The following ENG variants were observed in gnomAD, a reference collection of about 807,000 sequenced individuals.
ENG encodes the protein endoglin, also known as CD105 antigen.
In ENG, 17 loss-of-function variants were observed where a neutral mutation model predicts 71.0. The observed-to-expected ratio is 0.24, with a 90% confidence interval of 0.16 to 0.36. The LOEUF (loss-of-function observed/expected upper bound fraction) is 0.36, where lower values mean the gene tolerates loss of function less well. ENG is among the 10% of genes least tolerant of loss of function. ENG has a pLI of 1.00. For missense variants in ENG, 749 were observed against 868.3 expected, an observed-to-expected ratio of 0.86 and a Z score of 1.73; for synonymous variants, 360 against 366.9, an observed-to-expected ratio of 0.98 and a Z score of 0.21.
Position 127,828,464 on chromosome 9 carries a change from A to G in ENG, c.360+1223T>C, listed in dbSNP as rs1048672944. Among the ~76,000 whole-genome samples the G allele has an allele frequency of 1.1e-4, 17 of 152,286 alleles. No homozygotes were observed. In the South Asian group the frequency reaches 3.5e-3, roughly 32 times the overall value. ...CCCGCTCGGGAAGCAGCGCGGCCCC[A>G]GGAGGAAGGCGGCGCGGCCGAGGCC... On this transcript the variant is annotated intron_variant, in intron 3 of 14. Coordinates refer to ENST00000373203, the MANE Select transcript of ENG (RefSeq NM_001114753.3).
chr9:127,831,837 G>A (rs906591541), intron 2 of ENG, among the ~76,000 whole-genome samples: 1 of 151,332 alleles, frequency 6.6e-6, no homozygotes, highest in Non-Finnish European at 1.5e-5. Context: ...GACTACAGGC[G>A]TGTGCCACCA....
intron 3 of ENG, among the ~76,000 whole-genome samples, chr9:127,828,608 CT>C (rs1202429450): frequency 2.0e-5 from 3 of 152,210 alleles, no homozygotes; most frequent in Admixed American, 6.5e-5. Context: ...GCCACGCCCC[CT>C]CTGGGACCTC....
At position 127,825,352 on chromosome 9, in the gene ENG, C is replaced by T. The variant is rs772467926; in HGVS notation, c.695G>A (p.Arg232Gln). The change falls in exon 6 of 15, where the codon CGG becomes CAG. Residue 232 changes from arginine (R) to glutamine (Q), a missense_variant. Transcript: ENST00000373203. ...RVLPGHSAGP[R>Q]TVTVKVELSC... ...CAGTTCCACCTTCACCGTCACCGTC[C>T]GGGGCCTGCGGGGAGACAGACGCGG... The T allele has an allele frequency of 1.8e-5, 29 of 1,609,746 alleles. No individual in the cohort carries two copies. Among genetic ancestry groups the T allele is most frequent in the Middle Eastern group, 1.7e-4 (1 of 6,044 alleles).
chr9:127,816,395 C>A, intron 13 of ENG: 1 of 418,032 alleles, frequency 2.4e-6, no homozygotes, highest in East Asian at 5.2e-5. Context: ...TGCTGCATGA[C>A]CTTGGGTCAA....
intron 3 of ENG, among the ~76,000 whole-genome samples, chr9:127,828,260 G>A (rs888181435): frequency 6.6e-6 from 1 of 152,170 alleles, no homozygotes; most frequent in Non-Finnish European, 1.5e-5. Context: ...CCCGCGGAAT[G>A]GGAAAGGGCT....
intron 2 of ENG, among the ~76,000 whole-genome samples, chr9:127,834,727 T>C (rs1274103521): frequency 1.3e-5 from 2 of 150,762 alleles, no homozygotes; most frequent in Non-Finnish European, 2.9e-5. Context: ...TTAGTGGAGA[T>C]GGGGTTTCAC....
At chr9:127,837,937 C>G (rs1830944380) in intron 2 of ENG, among the ~76,000 whole-genome samples, 1 of 152,134 alleles carries the variant, frequency 6.6e-6, no homozygotes, top group African/African-American at 2.4e-5. Context: ...GCCCCTTCAG[C>G]AAGCCTGCCT....
At chr9:127,826,804 G>GA (rs1477596024) in intron 3 of ENG, 132 bp from the exon 4 acceptor site, 1 of 1,246,440 alleles carries the variant, frequency 8.0e-7, no homozygotes, top group East Asian at 2.5e-5. Flanking sequence ...TGAGAATGCT[G>GA]GCTGGTGGAT....
rs1056366139 is a variant in ENG, at chr9:127,838,777, G to C, written c.219+4317C>G. ...GGCCCCCTCCCGGAATCCAGGCTCCGGCCTGCCCTTCAGGGACCCAGCGAG... is the reference window on the plus strand; with the variant it reads ...GGCCCCCTCCCGGAATCCAGGCTCCCGCCTGCCCTTCAGGGACCCAGCGAG... On this transcript the variant is annotated intron_variant, in intron 2 of 14. Transcript: ENST00000373203. This position sits in a 1 kb window ranked among gnomAD's most constrained non-coding sequence, Gnocchi z 4.3. Among the ~76,000 whole-genome samples, 2 of 152,090 alleles carry C rather than the reference G, an allele frequency of 1.3e-5. No homozygotes were observed. The highest frequency in any genetic ancestry group is 2.9e-5 in the Non-Finnish European group (2 of 67,986).
intron 3 of ENG, among the ~76,000 whole-genome samples, chr9:127,829,024 G>T (rs1830696350): frequency 6.6e-6 from 1 of 152,120 alleles, no homozygotes; most frequent in African/African-American, 2.4e-5. Flanking sequence ...CTGGCAGTGG[G>T]TCCCAGCTCC....
chr9:127,840,274 C>T (rs973265487), intron 2 of ENG, among the ~76,000 whole-genome samples: 1 of 152,218 alleles, frequency 6.6e-6, no homozygotes, highest in Non-Finnish European at 1.5e-5. Flanking sequence ...CATTTGTGCA[C>T]GCATGCGTGC....
At chr9:127,828,884 C>G (rs1027428083) in intron 3 of ENG, among the ~76,000 whole-genome samples, 1 of 152,110 alleles carries the variant, frequency 6.6e-6, no homozygotes, top group Non-Finnish European at 1.5e-5. Flanking sequence ...CTCCCCCGGG[C>G]TCTCCCCTTC....
At position 127,815,987 on chromosome 9, in the gene ENG, C is replaced by G. The variant is rs1190884477; in HGVS notation, c.1808G>C (p.Gly603Ala). 2 of 1,608,348 alleles carry G rather than the reference C, an allele frequency of 1.2e-6. No homozygotes were observed. The highest frequency in any genetic ancestry group is 1.7e-6 in the Non-Finnish European group (2 of 1,178,038). The change falls in exon 14 of 15, where the codon GGG (glycine) becomes GCG (alanine). Residue 603 changes from glycine (G) to alanine (A), a missense_variant. Transcript: ENST00000373203. ...CCAGAGTGCAGCAGTGAGCAGGGCC[C>G]CGATGAGGAAGGCACCAAAGGTGAT... The part of the protein sequence containing the change: ...LGITFGAFLI[G>A]ALLTAALWYI...
rs1329389003 is a variant in ENG at position 127,846,132 on chromosome 9, C to T, written c.68-2887G>A. Reference sequence around the variant, plus strand: ...ATGGGGTGGCCTCCAGGTGACGGTCCTCTGGGATGGAGAGGTCACTGGGAT... The same window carrying T: ...ATGGGGTGGCCTCCAGGTGACGGTCTTCTGGGATGGAGAGGTCACTGGGAT... On this transcript the variant is annotated intron_variant, in intron 1 of 14. Coordinates refer to ENST00000373203, the MANE Select transcript of ENG (RefSeq NM_001114753.3). The surrounding 1 kb of genome is among the most constrained non-coding windows in gnomAD (Gnocchi z 5.5). 6.6e-6 allele frequency among the ~76,000 whole-genome samples: 1 copy of T among 152,152 alleles called. No homozygotes were observed. Among genetic ancestry groups the T allele is most frequent in the African/African-American group, 2.4e-5 (1 of 41,448 alleles).
intron 4 of ENG, among the ~76,000 whole-genome samples, chr9:127,826,256 A>G (rs2131890067): frequency 6.6e-6 from 1 of 152,350 alleles, no homozygotes; most frequent in East Asian, 1.9e-4. Context: ...TTTGGCACAT[A>G]GTAGATGCAC....
At chr9:127,843,561 C>T (rs1831093298) in intron 1 of ENG, among the ~76,000 whole-genome samples, 2 of 150,836 alleles carry the variant, frequency 1.3e-5, no homozygotes, top group South Asian at 4.2e-4. Context: ...GCAAATATTG[C>T]ATGGAACGTA....
At chr9:127,824,512 CTTTTTTTTTTT>C (rs71380096) in intron 7 of ENG, 66 bp from the exon 8 acceptor site, 17 of 685,796 alleles carry the variant, frequency 2.5e-5, no homozygotes, top group Middle Eastern at 5.5e-4. Context: ...CCGCACCAGG[CTTTTTTTTTTT>C]TTTTTTTTTT....
At position 127,817,070 on chromosome 9, in the gene ENG, C is replaced by T. The variant is rs551082475; in HGVS notation, c.1741+79G>A. 598 of 1,536,490 alleles carry T rather than the reference C, an allele frequency of 3.9e-4. 1 individual carries two copies. Among genetic ancestry groups the T allele is most frequent in the Non-Finnish European group, 5.0e-4 (557 of 1,110,854 alleles). On this transcript the variant is annotated intron_variant, in intron 13 of 14. Transcript: ENST00000373203. ...CTTGCCATGTGCTATGTGCCCAGGC[C>T]GTTTCTCAGGGCTGCCCGCTGTGCC...
chr9:127,816,153 G>A, intron 13 of ENG, 100 bp from the exon 14 acceptor site: 2 of 1,436,952 alleles, frequency 1.4e-6, no homozygotes, highest in African/African-American at 2.8e-5. Flanking sequence ...GCTCTGCTCA[G>A]CCATGGACCC....
Sources: gnomAD v4.1 joint callset for allele counts (sites outside exome capture counted in the v4.1 genomes callset) on GRCh38, gnomAD v4.1.1 for gene constraint, Gnocchi (gnomAD v3.1) non-coding constraint, MANE v1.5 for transcripts, NCBI Gene and HGNC (gene_info 2026-07-23, HGNC 2026-07-21) for gene names.